Variants in USH2A observed in about 807,000 individuals in gnomAD.
USH2A encodes the protein Usher syndrome 2A (autosomal recessive, mild).
A neutral mutation model predicts 538.9 loss-of-function variants in USH2A; 443 were observed. The ratio of observed to expected loss-of-function variants is 0.82; its 90% CI spans 0.76 to 0.89. The LOEUF (loss-of-function observed/expected upper bound fraction) is 0.89. USH2A is among the 40% of genes least tolerant of loss of function. The pLI is 0.00. For missense variants in USH2A, 6,633 were observed against 6,324.8 expected (o/e 1.05, Z -1.65); for synonymous variants, 2,413 against 2,273.5 (o/e 1.06, Z -1.75).
At chr1:215,949,757 C>T (rs901760081) in intron 37 of USH2A, among the ~76,000 whole-genome samples, 7 of 151,954 alleles carry the variant, frequency 4.6e-5, no homozygotes, top group African/African-American at 1.7e-4. Flanking sequence ...AGTACTACAT[C>T]ATAAACCTCA....
At chr1:216,386,512 CAAACAAACAAA>C (rs1426513658) in intron 3 of USH2A, among the ~76,000 whole-genome samples, 3 of 87,552 alleles carry the variant, frequency 3.4e-5, no homozygotes, top group Non-Finnish European at 7.7e-5. Context: ...AACAAACAAA[CAAACAAACAAA>C]AAACAAAAAC....
In USH2A at chr1:215,628,861, T is replaced by A; in HGVS notation, c.15472A>T (p.Met5158Leu). 6.2e-7 allele frequency: 1 copy of A among 1,614,174 alleles called. No homozygotes were observed. Among genetic ancestry groups the A allele is most frequent in the Non-Finnish European group, 8.5e-7 (1 of 1,180,036 alleles). Residue 5158 changes from methionine (M) to leucine (L), a missense_variant, in exon 71 of 72, where the codon ATG (methionine) becomes TTG (leucine). Met to Leu is a conservative substitution (Grantham distance 15, BLOSUM62 2). Transcript: ENST00000307340. ...LMDIQDKKVL[M>L]DNSLWEAIMG... ...ATGGCTTCCCACAGTGAGTTGTCCATCAAGACTTTCTTGTCTTGAATGTCC... is the reference window on the plus strand; with the variant it reads ...ATGGCTTCCCACAGTGAGTTGTCCAACAAGACTTTCTTGTCTTGAATGTCC...
At chr1:215,836,556 TATATATA>T (rs1558120340) in intron 47 of USH2A, among the ~76,000 whole-genome samples, 6 of 19,410 alleles carry the variant, frequency 3.1e-4, no homozygotes, top group Admixed American at 1.4e-3. Flanking sequence ...TATATATATA[TATATATA>T]TATTTTTTTT....
In USH2A at chr1:216,292,343, CATT is replaced by C; in HGVS notation, c.1669_1671del (p.Asn557del). 6.2e-7 allele frequency: 1 copy of C among 1,613,866 alleles called. No individual in the cohort carries two copies. Among genetic ancestry groups the C allele is most frequent in the Non-Finnish European group, 8.5e-7 (1 of 1,179,900 alleles). ...TGATCACCTTGGCGGAAAGGCTTGT[CATT>C]ATAAAGAGGCAAGCAGCGATCACAC... On this transcript the variant is annotated inframe_deletion, in exon 10 of 72. Coordinates refer to ENST00000307340, the MANE Select transcript of USH2A (RefSeq NM_206933.4).
intron 61 of USH2A, among the ~76,000 whole-genome samples, chr1:215,692,380 A>G (rs555691822): frequency 1.5e-3 from 222 of 152,182 alleles, no homozygotes; most frequent in African/African-American, 5.1e-3. Context: ...CCAGGAGTAT[A>G]TTTTTATATT....
At chr1:215,791,834 G>A (rs746237328) in intron 50 of USH2A, among the ~76,000 whole-genome samples, 3 of 152,008 alleles carry the variant, frequency 2.0e-5, no homozygotes, top group Non-Finnish European at 4.4e-5. Context: ...ATGTATGTAT[G>A]CATATGTATG....
intron 13 of USH2A, among the ~76,000 whole-genome samples, chr1:216,240,553 G>T (rs1314423433): frequency 2.0e-5 from 3 of 149,690 alleles, no homozygotes; most frequent in Non-Finnish European, 4.4e-5. Context: ...AAAGAAGAAA[G>T]AATCTGATTA....
In USH2A at chr1:216,054,631, A is replaced by C. The variant is rs549214285; in HGVS notation, c.6050-5984T>G. ...GAGAAGAAAAAAGGACTCCGTTTCT[A>C]CTTACATACTTCAGCAGACTCCTCC... On this transcript the variant is annotated intron_variant, in intron 30 of 71. Transcript: ENST00000307340. Among the ~76,000 whole-genome samples, 5 of 152,288 alleles carry C rather than the reference A, an allele frequency of 3.3e-5. No individual in the cohort carries two copies. In the South Asian group the frequency reaches 8.3e-4, roughly 25 times the overall value.
At chr1:215,906,459 G>A (rs1403084588) in intron 38 of USH2A, among the ~76,000 whole-genome samples, 1 of 152,118 alleles carries the variant, frequency 6.6e-6, no homozygotes, top group African/African-American at 2.4e-5. Context: ...AACATGGGCC[G>A]TTTAAGTTCA....
chr1:216,203,286 C>T (rs2035038855), intron 16 of USH2A, among the ~76,000 whole-genome samples: 1 of 151,470 alleles, frequency 6.6e-6, no homozygotes, highest in African/African-American at 2.4e-5. Flanking sequence ...TGTATATATA[C>T]TGTTCTTTTT....
At chr1:216,285,700 G>T (rs2036869667) in intron 11 of USH2A, among the ~76,000 whole-genome samples, 1 of 152,216 alleles carries the variant, frequency 6.6e-6, no homozygotes, top group African/African-American at 2.4e-5. Flanking sequence ...TGTGAAAGGA[G>T]CCAGAAGGAG....
At chr1:216,326,445 C>T (rs2102657407) in intron 5 of USH2A, among the ~76,000 whole-genome samples, 1 of 152,264 alleles carries the variant, frequency 6.6e-6, no homozygotes, top group South Asian at 2.1e-4. Flanking sequence ...CTTTAAATCT[C>T]ATCAATTCTT....
chr1:216,353,302 C>T (rs1045664827), intron 4 of USH2A, among the ~76,000 whole-genome samples: 2 of 151,744 alleles, frequency 1.3e-5, no homozygotes, highest in Non-Finnish European at 2.9e-5. Context: ...AAAAGAAACA[C>T]AAGAGATGCA....
chr1:215,674,297 T>C lies in USH2A; in HGVS notation c.13614A>G (p.Pro4538=), dbSNP rs757136819. ...SPSAPSGMEP[P]KLQARGPQEI... ...CCTGAGGACCCCTGGCCTGCAATTT[T>C]GGAGGTTCCATCCCTGAGGGTGCTG... The change falls in exon 63 of 72, where the codon CCA becomes CCG. Residue 4538 remains proline (P), a synonymous_variant. Transcript: ENST00000307340. The C allele has an allele frequency of 4.3e-6, 7 of 1,614,054 alleles. No homozygotes were observed. Among genetic ancestry groups the C allele is most frequent in the South Asian group, 1.1e-5 (1 of 91,074 alleles).
At chr1:215,669,485 T>G (rs1657742499) in intron 64 of USH2A, among the ~76,000 whole-genome samples, 1 of 152,350 alleles carries the variant, frequency 6.6e-6, no homozygotes, top group African/African-American at 2.4e-5. Flanking sequence ...TAGGATAAAA[T>G]GTATATACTG....
intron 64 of USH2A, among the ~76,000 whole-genome samples, chr1:215,652,287 T>C (rs1454804892): frequency 6.6e-6 from 1 of 152,228 alleles, no homozygotes; most frequent in Non-Finnish European, 1.5e-5. Flanking sequence ...CAGTGCCTGT[T>C]TCAATGAGCA....
At position 216,095,130 on chromosome 1, in the gene USH2A, T is replaced by G. The variant is rs567428207; in HGVS notation, c.4758+1953A>C. ...TCTTTTCAATGGATTTATACTAAAT[T>G]CCCTCTTAAATCAGATATTCTCTCC... On this transcript the variant is annotated intron_variant, in intron 22 of 71. Transcript: ENST00000307340. Among the ~76,000 whole-genome samples the G allele has an allele frequency of 2.0e-5, 3 of 152,282 alleles. No individual in the cohort carries two copies. In the South Asian group the frequency reaches 6.2e-4, roughly 32 times the overall value.
intron 3 of USH2A, among the ~76,000 whole-genome samples, chr1:216,365,338 C>T (rs1026019816): frequency 3.3e-5 from 5 of 152,092 alleles, no homozygotes; most frequent in Admixed American, 2.6e-4. Flanking sequence ...TTGTCCCATA[C>T]ATGTAACAGC....
chr1:215,839,208 C>G (rs1323787574), intron 46 of USH2A, among the ~76,000 whole-genome samples: 1 of 152,044 alleles, frequency 6.6e-6, no homozygotes, highest in Non-Finnish European at 1.5e-5. Flanking sequence ...GAAATAAAGG[C>G]AGATGAACTT....
Sources: gnomAD v4.1 joint callset for allele counts (sites outside exome capture counted in the v4.1 genomes callset) on GRCh38, gnomAD v4.1.1 for gene constraint, MANE v1.5 for transcripts, NCBI Gene and HGNC (gene_info 2026-07-23, HGNC 2026-07-21) for gene names.